Variants in EPHA5 observed in about 807,000 individuals in gnomAD.
EPHA5 encodes EPH receptor A5, also known as ephrin type-A receptor 5.
A neutral mutation model predicts 105.0 loss-of-function variants in EPHA5; 60 were observed. The ratio of observed to expected loss-of-function variants is 0.57; its 90% CI spans 0.46 to 0.71. The LOEUF (loss-of-function observed/expected upper bound fraction) is 0.71, where lower values mean the gene tolerates loss of function less well. Among genes scored for constraint, EPHA5 ranks in the 30% least tolerant of loss-of-function variants. The pLI, the probability that EPHA5 is intolerant of heterozygous loss-of-function variation, is 0.00. For missense variants in EPHA5, 1,218 were observed against 1,274.7 expected (o/e 0.96, Z 0.68); for synonymous variants, 513 against 449.1 (o/e 1.14, Z -1.80).
intron 8 of EPHA5, among the ~76,000 whole-genome samples, chr4:65,397,849 A>G (rs1474596707): frequency 6.6e-6 from 1 of 152,104 alleles, no homozygotes; most frequent in Non-Finnish European, 1.5e-5. Flanking sequence ...AGCAGTTAAG[A>G]GTAGTCATTG....
chr4:65,352,885 A>G (rs1222268018), intron 12 of EPHA5, among the ~76,000 whole-genome samples, 157 bp downstream of exon 12: 1 of 151,172 alleles, frequency 6.6e-6, no homozygotes, highest in Non-Finnish European at 1.5e-5. Flanking sequence ...TTCATTTTGG[A>G]GTGTAATTAT....
chr4:65,348,075 G>A lies in EPHA5; in HGVS notation c.2574C>T (p.Tyr858=). The A allele has an allele frequency of 6.2e-7, 1 of 1,608,282 alleles. No homozygotes were observed. The highest frequency in any genetic ancestry group is 1.1e-5 in the South Asian group (1 of 90,234). Residue 858 remains tyrosine (Y), a synonymous_variant, in exon 14 of 17, where the codon TAC becomes TAT. Coordinates refer to ENST00000613740, the MANE Select transcript of EPHA5 (RefSeq NM_001281766.3). The part of the protein sequence containing the change: ...WEVVSYGERP[Y]WEMTNQDVIK... Reference sequence around the variant, plus strand: ...TCACATCTTGATTGGTCATCTCCCAGTAGGGTCTCTCTCCATAAGACACAA... The same window carrying A: ...TCACATCTTGATTGGTCATCTCCCAATAGGGTCTCTCTCCATAAGACACAA...
chr4:65,630,185 T>C, intron 2 of EPHA5, among the ~76,000 whole-genome samples: 1 of 152,000 alleles, frequency 6.6e-6, no homozygotes, highest in Middle Eastern at 3.2e-3. Flanking sequence ...TGGTCACAGC[T>C]AGTGCCAGGG....
intron 5 of EPHA5, among the ~76,000 whole-genome samples, chr4:65,476,160 T>A (rs923366116): frequency 1.1e-5 from 1 of 93,210 alleles, no homozygotes; most frequent in Admixed American, 1.0e-4. Flanking sequence ...GTGTGTGTGT[T>A]AAAATATGCA....
rs368546127 is a variant in EPHA5, at chr4:65,463,817, G to T, written c.1402+26560C>A. Among the ~76,000 whole-genome samples, 80 of 152,066 alleles carry T rather than the reference G, an allele frequency of 5.3e-4. No homozygotes were observed. In the South Asian group the frequency reaches 5.4e-3, roughly 10 times the overall value. On this transcript the variant is annotated intron_variant, in intron 5 of 16. Coordinates refer to ENST00000613740, the MANE Select transcript of EPHA5 (RefSeq NM_001281766.3). ...GACATTTAATATTTTGCCAGAAAAT[G>T]AATGCTTATATACATAGAGATCCTG...
chr4:65,600,866 C>T (rs890566288), intron 3 of EPHA5, among the ~76,000 whole-genome samples: 1 of 152,012 alleles, frequency 6.6e-6, no homozygotes, highest in Non-Finnish European at 1.5e-5. Context: ...CCAGTTTAAA[C>T]GGCCAACTCA....
intron 4 of EPHA5, among the ~76,000 whole-genome samples, chr4:65,493,417 C>A (rs1423090132): frequency 1.3e-5 from 2 of 151,892 alleles, no homozygotes; most frequent in Non-Finnish European, 1.5e-5. Context: ...GAAGTTGGAG[C>A]TATAAATTCA....
chr4:65,380,066 C>A (rs572197747), intron 8 of EPHA5, among the ~76,000 whole-genome samples: 1 of 151,684 alleles, frequency 6.6e-6, no homozygotes, highest in Non-Finnish European at 1.5e-5. Flanking sequence ...TGCTTAGAAG[C>A]TCAGAGATGA....
chr4:65,647,329 A>C (rs1401880504), intron 1 of EPHA5, among the ~76,000 whole-genome samples: 4 of 27,268 alleles, frequency 1.5e-4, no homozygotes, highest in African/African-American at 5.3e-4. Context: ...ACTCTGTCTC[A>C]AAAAAAAAAA....
intron 6 of EPHA5, among the ~76,000 whole-genome samples, chr4:65,416,203 T>G (rs1249153840): frequency 1.3e-5 from 2 of 152,138 alleles, no homozygotes; most frequent in Middle Eastern, 3.4e-3. Context: ...TTTTCATTTT[T>G]ACGTAAAGGA....
chr4:65,441,371 A>T (rs1725993912), intron 5 of EPHA5, among the ~76,000 whole-genome samples: 1 of 152,096 alleles, frequency 6.6e-6, no homozygotes, highest in South Asian at 2.1e-4. Flanking sequence ...TATTTCCATA[A>T]TTTATTTGAA....
chr4:65,612,726 GT>G (rs1744889411), intron 2 of EPHA5, among the ~76,000 whole-genome samples: 1 of 152,030 alleles, frequency 6.6e-6, no homozygotes, highest in Admixed American at 6.6e-5. Context: ...GGTTATTTGT[GT>G]TGTTTCGGGG....
chr4:65,330,051 A>G (rs1028869444), intron 16 of EPHA5, among the ~76,000 whole-genome samples: 24 of 151,412 alleles, frequency 1.6e-4, no homozygotes, highest in Non-Finnish European at 3.0e-4. Flanking sequence ...TGCTGGCCCA[A>G]TTACTGGTAA....
chr4:65,425,382 C>G (rs1724331374), intron 5 of EPHA5, among the ~76,000 whole-genome samples: 1 of 152,032 alleles, frequency 6.6e-6, no homozygotes. Context: ...TAAGGTACTT[C>G]TTATTAATGA....
rs377678193 is a variant in EPHA5 at position 65,650,958 on chromosome 4, GTCTC to G, written c.182-7535_182-7532del. 1.1e-4 allele frequency among the ~76,000 whole-genome samples: 17 copies of G among 152,108 alleles called. No homozygotes were observed. In the South Asian group the frequency reaches 3.5e-3, roughly 32 times the overall value. On this transcript the variant is annotated intron_variant, in intron 1 of 16. Transcript: ENST00000613740. Reference sequence around the variant, plus strand: ...TTTCCAGTTTTATTCAAGTTTGTTTGTCTCTCTATTTTCCCATTTCAGCAAAAAT... The same window carrying G: ...TTTCCAGTTTTATTCAAGTTTGTTTGTCTATTTTCCCATTTCAGCAAAAAT...
chr4:65,377,179 T>C, intron 8 of EPHA5: 1 of 859,054 alleles, frequency 1.2e-6, no homozygotes. Flanking sequence ...ATCAAAAACC[T>C]CTAAATGCAT....
At chr4:65,370,015 G>T (rs1007656172) in intron 8 of EPHA5, among the ~76,000 whole-genome samples, 108 of 152,098 alleles carry the variant, frequency 7.1e-4, no homozygotes, top group African/African-American at 2.5e-3. Flanking sequence ...TTAAGAAACT[G>T]GCAATGTATT....
intron 2 of EPHA5, among the ~76,000 whole-genome samples, chr4:65,609,642 T>G (rs897431423): frequency 9.7e-5 from 6 of 62,108 alleles, no homozygotes; most frequent in Admixed American, 5.6e-4. Flanking sequence ...AAAAAATCAG[T>G]TTTTTTTTTT....
At chr4:65,558,328 C>G (rs1738667094) in intron 3 of EPHA5, among the ~76,000 whole-genome samples, 1 of 152,112 alleles carries the variant, frequency 6.6e-6, no homozygotes, top group Non-Finnish European at 1.5e-5. Context: ...ATTTTTCACA[C>G]TTCATTCATA....
Sources: allele counts gnomAD v4.1 joint callset (sites outside exome capture counted in the v4.1 genomes callset), GRCh38; gene constraint gnomAD v4.1.1; transcripts MANE v1.5; gene names NCBI Gene and HGNC (gene_info 2026-07-23, HGNC 2026-07-21).